Variants in INO80C observed in about 807,000 individuals in gnomAD.
INO80C encodes INO80 complex subunit C.
In INO80C, 17 loss-of-function variants were observed where a neutral mutation model predicts 17.7. The observed-to-expected ratio is 0.96, with a 90% CI of 0.66 to 1.44. The LOEUF is 1.44. Among genes scored for constraint, INO80C ranks in the 40% most tolerant of loss-of-function variants. The pLI, the probability that INO80C is intolerant of heterozygous loss-of-function variation, is 0.00. For missense variants in INO80C, 244 were observed against 245.0 expected (o/e 1.00, Z 0.03); for synonymous variants, 96 against 95.8 (o/e 1.00, Z -0.01).
chr18:35,474,917 C>G (rs1220141074), intron 4 of INO80C, among the ~76,000 whole-genome samples: 1 of 152,094 alleles, frequency 6.6e-6, no homozygotes, highest in African/African-American at 2.4e-5. Flanking sequence ...CAAACCAGAA[C>G]AGAGCATCCA....
rs759273463 is a variant in INO80C at position 35,497,746 on chromosome 18, TTTC to T, written c.126_128del (p.Lys44del). On this transcript the variant is annotated inframe_deletion, in exon 1 of 5. Transcript: ENST00000334598. ...GCGCAAAGCTGGAAGCGGACGCTTT[TTTC>T]TTCTTACTGGCGCCATAGCCCCCGC... is the stretch of plus-strand genomic sequence containing the variant. 6.2e-7 allele frequency: 1 copy of T among 1,612,954 alleles called. No homozygotes were observed. Among genetic ancestry groups the T allele is most frequent in the South Asian group, 1.1e-5 (1 of 91,030 alleles).
At chr18:35,487,797 C>T (rs1285105437) in intron 1 of INO80C, 2 of 152,308 alleles carry the variant, frequency 1.3e-5, no homozygotes, top group African/African-American at 4.8e-5. Flanking sequence ...TCATCCGAGA[C>T]AAGGCAAGTC....
At chr18:35,490,672 G>A (rs1240030503) in intron 1 of INO80C, among the ~76,000 whole-genome samples, 1 of 152,180 alleles carries the variant, frequency 6.6e-6, no homozygotes, top group Admixed American at 6.5e-5. Flanking sequence ...ATACCTGCCA[G>A]CTCCCAGGGT....
In INO80C at chr18:35,480,486, G is replaced by C; in HGVS notation, c.234C>G (p.Ala78=). The change falls in exon 2 of 5, where the codon GCC becomes GCG. Residue 78 remains alanine, a synonymous_variant. Coordinates refer to ENST00000334598, the MANE Select transcript of INO80C (RefSeq NM_194281.4). ...EFSTGPVEKA[A]KPLPFKDPNF... is the part of the protein sequence containing the mutation. ...TGGGATCCTTAAATGGCAAAGGTTT[G>C]GCAGCTTTTTCCACAGGTCCTGTGC... 6.2e-7 allele frequency: 1 copy of C among 1,613,956 alleles called. No individual in the cohort carries two copies. The highest frequency in any genetic ancestry group is 8.5e-7 in the Non-Finnish European group (1 of 1,179,802).
At chr18:35,490,527 G>A (rs355325) in intron 1 of INO80C, among the ~76,000 whole-genome samples, 118,318 of 152,012 alleles carry the variant, frequency 0.78, 46,392 homozygotes, top group East Asian at 0.98. Context: ...TAAAGAATAT[G>A]ACTACTGATA....
chr18:35,492,477 G>T (rs934510542), intron 1 of INO80C, among the ~76,000 whole-genome samples: 1 of 152,080 alleles, frequency 6.6e-6, no homozygotes, highest in Non-Finnish European at 1.5e-5. Context: ...TCTACATGTA[G>T]AAAACACAAA....
chr18:35,493,906 G>A (rs747429271), intron 1 of INO80C, among the ~76,000 whole-genome samples: 6 of 152,162 alleles, frequency 3.9e-5, no homozygotes, highest in Non-Finnish European at 8.8e-5. Flanking sequence ...CGTGATGAAA[G>A]ACCTATAAAA....
In INO80C at chr18:35,497,889, T is replaced by TC. The variant is rs762963161; in HGVS notation, c.-16dup. 20 of 1,528,340 alleles carry TC rather than the reference T, an allele frequency of 1.3e-5. No homozygotes were observed. Among genetic ancestry groups the TC allele is most frequent in the Non-Finnish European group, 1.8e-5 (20 of 1,135,690 alleles). The allele number at this position is 1,528,340 out of a possible 1,614,324, so 94.7% of individuals were successfully genotyped here. A position where few individuals can be genotyped will look rare whatever the true frequency, so the allele number is the denominator to read the frequency against. On this transcript the variant is annotated 5_prime_UTR_variant, in exon 1 of 5. Transcript: ENST00000334598. ...TGCGCCGCCATCGCACTCCGAGTCT[T>TC]CCCCTGGTCCCCCCACCTTTTTCCC...
At chr18:35,468,858 C>T in intron 4 of INO80C, 116 bp from the exon 5 acceptor site, 1 of 895,580 alleles carries the variant, frequency 1.1e-6, no homozygotes. Context: ...TTCATTATGT[C>T]TTACTCTGCC....
At chr18:35,492,447 TATA>T (rs1184902880) in intron 1 of INO80C, among the ~76,000 whole-genome samples, 3 of 152,260 alleles carry the variant, frequency 2.0e-5, no homozygotes, top group East Asian at 3.9e-4. Context: ...ATATACCAAA[TATA>T]ATGATGAAAA....
intron 1 of INO80C, among the ~76,000 whole-genome samples, chr18:35,493,082 T>C (rs552003844): frequency 9.2e-5 from 14 of 152,308 alleles, no homozygotes; most frequent in Middle Eastern, 3.4e-3. Flanking sequence ...ACACTAACAC[T>C]GTGTGAGCTT....
At chr18:35,474,548 G>A (rs2045711997) in intron 4 of INO80C, among the ~76,000 whole-genome samples, 1 of 151,736 alleles carries the variant, frequency 6.6e-6, no homozygotes, top group Admixed American at 6.6e-5. Flanking sequence ...AAAGCCAGGT[G>A]TGGTGGCACA....
At chr18:35,469,614 C>T (rs148063896) in intron 4 of INO80C, among the ~76,000 whole-genome samples, 95 of 152,234 alleles carry the variant, frequency 6.2e-4, no homozygotes, top group African/African-American at 2.2e-3. Context: ...TATTTGTACC[C>T]CCACAGGAGG....
chr18:35,485,156 A>T (rs367869951), intron 1 of INO80C, among the ~76,000 whole-genome samples: 7 of 151,750 alleles, frequency 4.6e-5, no homozygotes, highest in African/African-American at 1.7e-4. Flanking sequence ...AATGTAACTG[A>T]GGTATACTAG....
At chr18:35,489,995 TAA>T (rs879764469) in intron 1 of INO80C, among the ~76,000 whole-genome samples, 5 of 145,398 alleles carry the variant, frequency 3.4e-5, no homozygotes, top group African/African-American at 1.0e-4. Flanking sequence ...TTTAGAGGAT[TAA>T]AAAAAAAAAA....
intron 1 of INO80C, chr18:35,497,306 A>C: frequency 1.0e-6 from 1 of 981,156 alleles, no homozygotes; most frequent in Non-Finnish European, 1.2e-6. Flanking sequence ...TTATCAATAC[A>C]TCTTGTATTC....
chr18:35,479,885 CTTTT>C (rs35108119), intron 2 of INO80C, among the ~76,000 whole-genome samples: 1 of 136,682 alleles, frequency 7.3e-6, no homozygotes, highest in African/African-American at 2.7e-5. Context: ...CTAGGTACCT[CTTTT>C]TTTTTTTTTT....
intron 1 of INO80C, chr18:35,497,240 G>C: frequency 1.5e-6 from 1 of 683,102 alleles, no homozygotes; most frequent in Non-Finnish European, 1.8e-6. Context: ...ACCTGCCTTT[G>C]GATTGGGAAA....
At chr18:35,469,431 C>T (rs2045643172) in intron 4 of INO80C, among the ~76,000 whole-genome samples, 1 of 152,198 alleles carries the variant, frequency 6.6e-6, no homozygotes, top group Non-Finnish European at 1.5e-5. Flanking sequence ...TCCTCCTCAG[C>T]CACATGTCCC....
Sources: allele counts gnomAD v4.1 joint callset (sites outside exome capture counted in the v4.1 genomes callset), GRCh38; gene constraint gnomAD v4.1.1; transcripts MANE v1.5; gene names NCBI Gene and HGNC (gene_info 2026-07-23, HGNC 2026-07-21).